The following RUNX2 variants were observed in gnomAD, a reference collection of about 807,000 sequenced individuals.
The protein encoded by RUNX2 is runt-related transcription factor 2.
A neutral mutation model predicts 51.7 loss-of-function variants in RUNX2; 10 were observed. The ratio of observed to expected loss-of-function variants is 0.19; its 90% CI spans 0.12 to 0.33. RUNX2 has a LOEUF of 0.33. Ranked by LOEUF, RUNX2 falls within the 10% of genes least tolerant of loss-of-function variation. The pLI is 1.00. For missense variants in RUNX2, 562 were observed against 691.3 expected (o/e 0.81, Z 2.10); for synonymous variants, 276 against 273.6 (o/e 1.01, Z -0.09).
At chr6:45,438,418 T>G (rs1285894474) in intron 5 of RUNX2, among the ~76,000 whole-genome samples, 1 of 152,218 alleles carries the variant, frequency 6.6e-6, no homozygotes, top group Non-Finnish European at 1.5e-5. Context: ...TTGAGCTTAG[T>G]CAAAAAGCAC....
chr6:45,520,185 T>G (rs1801462425), intron 7 of RUNX2, among the ~76,000 whole-genome samples: 1 of 152,154 alleles, frequency 6.6e-6, no homozygotes, highest in Non-Finnish European at 1.5e-5. Context: ...AACCTGAGGA[T>G]ACTATCTTAT....
At chr6:45,497,192 C>T (rs1255947573) in intron 6 of RUNX2, among the ~76,000 whole-genome samples, 2 of 152,188 alleles carry the variant, frequency 1.3e-5, no homozygotes, top group Non-Finnish European at 2.9e-5. Context: ...TGCAGCGTTC[C>T]CTTTCATGAT....
intron 6 of RUNX2, among the ~76,000 whole-genome samples, chr6:45,499,903 T>A (rs1319178058): frequency 2.6e-5 from 4 of 152,192 alleles, no homozygotes; most frequent in Non-Finnish European, 5.9e-5. Context: ...GTTTTATATT[T>A]AGTTTTAGTT....
rs755137133 is a variant in RUNX2 at position 45,365,710 on chromosome 6, G to T, written c.58+36926G>T. On this transcript the variant is annotated intron_variant, in intron 2 of 8. Coordinates refer to ENST00000647337, the MANE Select transcript of RUNX2 (RefSeq NM_001024630.4). ...ACACTCCCAGTTTCATTCAGGCCACGGAACAACCCTGATTTTTCTAGTTGA... is the reference window on the plus strand; with the variant it reads ...ACACTCCCAGTTTCATTCAGGCCACTGAACAACCCTGATTTTTCTAGTTGA... 2.0e-5 allele frequency among the ~76,000 whole-genome samples: 3 copies of T among 148,336 alleles called. No individual in the cohort carries two copies. The Admixed American group carries it at 2.1e-4, about 10-fold the overall frequency.
intron 7 of RUNX2, among the ~76,000 whole-genome samples, chr6:45,534,481 A>T (rs1801969761): frequency 6.6e-6 from 1 of 152,178 alleles, no homozygotes; most frequent in South Asian, 2.1e-4. Flanking sequence ...TTTCATGATG[A>T]TTTTTGAGAG....
intron 5 of RUNX2, among the ~76,000 whole-genome samples, chr6:45,453,296 T>C (rs1202314046): frequency 6.6e-6 from 1 of 152,194 alleles, no homozygotes; most frequent in African/African-American, 2.4e-5. Context: ...GTTGTTTATC[T>C]TTATAAAAAA....
At chr6:45,347,408 G>A (rs754667179) in intron 2 of RUNX2, among the ~76,000 whole-genome samples, 8 of 152,056 alleles carry the variant, frequency 5.3e-5, no homozygotes, top group Non-Finnish European at 8.8e-5. Flanking sequence ...GGTGGTAGAT[G>A]TACACAAAAG....
At chr6:45,541,133 C>T (rs563924385) in intron 7 of RUNX2, among the ~76,000 whole-genome samples, 4 of 152,166 alleles carry the variant, frequency 2.6e-5, no homozygotes, top group South Asian at 2.1e-4. Context: ...GACTCATTTA[C>T]GTATTCATTT....
intron 5 of RUNX2, among the ~76,000 whole-genome samples, chr6:45,450,674 G>A (rs1388026797): frequency 6.6e-6 from 1 of 152,192 alleles, no homozygotes; most frequent in Non-Finnish European, 1.5e-5. Context: ...TCGGAGCACA[G>A]ACCTAAAGGG....
intron 2 of RUNX2, among the ~76,000 whole-genome samples, chr6:45,367,056 T>C (rs1455655400): frequency 6.6e-6 from 1 of 151,878 alleles, no homozygotes; most frequent in East Asian, 1.9e-4. Flanking sequence ...CGAAAGAAGG[T>C]TGGGGAAAAA....
At chr6:45,487,381 G>A (rs989442280) in intron 5 of RUNX2, among the ~76,000 whole-genome samples, 1 of 152,130 alleles carries the variant, frequency 6.6e-6, no homozygotes, top group Non-Finnish European at 1.5e-5. Flanking sequence ...AAAGAAGCAT[G>A]TTACTCTAAA....
intron 2 of RUNX2, among the ~76,000 whole-genome samples, chr6:45,419,519 C>A (rs1319726593): frequency 6.6e-6 from 1 of 152,146 alleles, no homozygotes; most frequent in East Asian, 1.9e-4. Flanking sequence ...GAGTGTGTGT[C>A]CGAGTGCACA....
At chr6:45,546,332 T>A (rs1047548983) in intron 8 of RUNX2, among the ~76,000 whole-genome samples, 2 of 152,220 alleles carry the variant, frequency 1.3e-5, no homozygotes, top group African/African-American at 4.8e-5. Context: ...ATAGGATATC[T>A]TTTTGATGTT....
chr6:45,342,885 C>A (rs921079489), intron 2 of RUNX2, among the ~76,000 whole-genome samples: 3 of 152,082 alleles, frequency 2.0e-5, no homozygotes, highest in Non-Finnish European at 4.4e-5. Context: ...AAAGTATTCT[C>A]ATGAAAACCA....
chr6:45,392,529 AC>A (rs1470652992), intron 2 of RUNX2, among the ~76,000 whole-genome samples: 2 of 152,066 alleles, frequency 1.3e-5, no homozygotes, highest in South Asian at 2.1e-4. Flanking sequence ...AAAAATAAAT[AC>A]CCTTTTACTT....
At chr6:45,358,382 A>T (rs1304471635) in intron 2 of RUNX2, among the ~76,000 whole-genome samples, 5 of 152,162 alleles carry the variant, frequency 3.3e-5, no homozygotes, top group Admixed American at 1.3e-4. Flanking sequence ...CACACCGGAT[A>T]AAAAGGAACT....
intron 5 of RUNX2, among the ~76,000 whole-genome samples, chr6:45,461,346 T>A (rs1281028725): frequency 1.3e-5 from 2 of 152,146 alleles, no homozygotes; most frequent in Non-Finnish European, 2.9e-5. Context: ...GCTCCAGTGT[T>A]GTGAAGCAAC....
At chr6:45,540,242 T>G (rs1007832601) in intron 7 of RUNX2, among the ~76,000 whole-genome samples, 1 of 152,198 alleles carries the variant, frequency 6.6e-6, no homozygotes, top group Non-Finnish European at 1.5e-5. Context: ...ATATGCTTTT[T>G]GAAAGGTGGC....
intron 2 of RUNX2, among the ~76,000 whole-genome samples, chr6:45,400,048 AAGGAGGGAG>A (rs1797674602): frequency 8.8e-6 from 1 of 113,636 alleles, no homozygotes; most frequent in Non-Finnish European, 2.0e-5. Flanking sequence ...GAAAGAAGGA[AAGGAGGGAG>A]GGAAGGAAGG....
Sources: allele counts gnomAD v4.1 joint callset (sites outside exome capture counted in the v4.1 genomes callset), GRCh38; gene constraint gnomAD v4.1.1; transcripts MANE v1.5; gene names NCBI Gene and HGNC (gene_info 2026-07-23, HGNC 2026-07-21).